The following GABPB1 variants were observed in gnomAD, a reference collection of about 807,000 sequenced individuals.
GABPB1 encodes GA-binding protein subunit beta-1.
A neutral mutation model predicts 45.9 loss-of-function variants in GABPB1; 15 were observed. The observed-to-expected ratio is 0.33, with a 90% CI of 0.22 to 0.50. The LOEUF (loss-of-function observed/expected upper bound fraction) is 0.50, where lower values mean the gene tolerates loss of function less well. GABPB1 is among the 20% of genes least tolerant of loss of function. The pLI is 0.98. For missense variants in GABPB1, 252 were observed against 457.5 expected, an observed-to-expected ratio of 0.55 and a Z score of 4.10; for synonymous variants, 143 against 154.4, an observed-to-expected ratio of 0.93 and a Z score of 0.55.
intron 2 of GABPB1, among the ~76,000 whole-genome samples, chr15:50,309,127 T>C (rs1363382629): frequency 6.6e-6 from 1 of 152,150 alleles, no homozygotes; most frequent in Non-Finnish European, 1.5e-5. Flanking sequence ...TTCAGATTCC[T>C]AGCATTCCAT....
intron 7 of GABPB1, among the ~76,000 whole-genome samples, chr15:50,288,752 G>T (rs1405391809): frequency 1.3e-5 from 2 of 152,018 alleles, no homozygotes; most frequent in Non-Finnish European, 2.9e-5. Flanking sequence ...TCCAAAAGGA[G>T]AAAAATGTTA....
intron 6 of GABPB1, among the ~76,000 whole-genome samples, chr15:50,291,236 T>A (rs897480049): frequency 6.6e-6 from 1 of 152,180 alleles, no homozygotes; most frequent in Non-Finnish European, 1.5e-5. Context: ...TGTACACTTA[T>A]AATCTATAAA....
At chr15:50,340,207 T>C (rs1290583828) in intron 1 of GABPB1, among the ~76,000 whole-genome samples, 1 of 152,190 alleles carries the variant, frequency 6.6e-6, no homozygotes, top group Non-Finnish European at 1.5e-5. Flanking sequence ...CCATGGAATC[T>C]GCCACCACCT....
chr15:50,336,113 G>A (rs988892644), intron 1 of GABPB1, among the ~76,000 whole-genome samples: 1 of 151,304 alleles, frequency 6.6e-6, no homozygotes, highest in Non-Finnish European at 1.5e-5. Flanking sequence ...CACTTTGGGA[G>A]GCCAAGGCAG....
intron 1 of GABPB1, among the ~76,000 whole-genome samples, chr15:50,335,393 A>G (rs542619320): frequency 2.0e-5 from 3 of 152,168 alleles, no homozygotes; most frequent in Non-Finnish European, 4.4e-5. Context: ...ACCTCACCCC[A>G]TAAGACTGAT....
At chr15:50,329,488 A>G (rs2047879281) in intron 1 of GABPB1, among the ~76,000 whole-genome samples, 1 of 152,202 alleles carries the variant, frequency 6.6e-6, no homozygotes, top group Non-Finnish European at 1.5e-5. Context: ...TACCAATATT[A>G]CAACTAGCAA....
intron 8 of GABPB1, among the ~76,000 whole-genome samples, chr15:50,282,560 G>GAAAAGAAAAAAAAAAAA (rs2046013811): frequency 2.2e-5 from 2 of 88,992 alleles, no homozygotes; most frequent in Non-Finnish European, 4.7e-5. Flanking sequence ...CCTTAAAAAA[G>GAAAAGAAAAAAAAAAAA]AAAAAAAAAA....
At chr15:50,345,581 C>T (rs551293389) in intron 1 of GABPB1, among the ~76,000 whole-genome samples, 29 of 152,270 alleles carry the variant, frequency 1.9e-4, no homozygotes, top group Non-Finnish European at 3.2e-4. Context: ...TAAAAACTCA[C>T]GGCAGCAATT....
intron 6 of GABPB1, among the ~76,000 whole-genome samples, chr15:50,299,111 C>T (rs1266575364): frequency 6.6e-6 from 1 of 152,056 alleles, no homozygotes; most frequent in Non-Finnish European, 1.5e-5. Context: ...ATCACAGTGC[C>T]TAGCAGAGAG....
chr15:50,295,468 A>G (rs766667585), intron 6 of GABPB1, among the ~76,000 whole-genome samples: 22 of 152,298 alleles, frequency 1.4e-4, no homozygotes, highest in Non-Finnish European at 1.8e-4. Flanking sequence ...TTCAGTTTAA[A>G]TGTTTCTTCC....
At chr15:50,316,807 A>G (rs1189549379) in intron 1 of GABPB1, among the ~76,000 whole-genome samples, 1 of 152,156 alleles carries the variant, frequency 6.6e-6, no homozygotes, top group Admixed American at 6.6e-5. Context: ...TTTCTTTTAC[A>G]TTATGAACAA....
In GABPB1 at chr15:50,302,083, C is replaced by T. The variant is rs117332659; in HGVS notation, c.472-715G>A. Among the ~76,000 whole-genome samples, 834 of 152,062 alleles carry T rather than the reference C, an allele frequency of 5.5e-3. 5 individuals carry two copies. Among genetic ancestry groups the T allele is most frequent in the Non-Finnish European group, 7.8e-3 (527 of 67,986 alleles). Reference sequence around the variant, plus strand: ...TTGGGAACAAACAGGCAAGAAGAGGCAGTAATTAAAGAAGATAATTTATAT... The same window carrying T: ...TTGGGAACAAACAGGCAAGAAGAGGTAGTAATTAAAGAAGATAATTTATAT... On this transcript the variant is annotated intron_variant, in intron 4 of 8. Coordinates refer to ENST00000380877, the MANE Select transcript of GABPB1 (RefSeq NM_016654.5).
chr15:50,292,983 GTC>G (rs993489375), intron 6 of GABPB1, among the ~76,000 whole-genome samples: 1 of 127,350 alleles, frequency 7.9e-6, no homozygotes, highest in African/African-American at 4.3e-5. Flanking sequence ...TTTGAAAACT[GTC>G]TACATATAAA....
At chr15:50,282,202 AAAAT>A (rs1246469100) in intron 8 of GABPB1, 23 of 434,580 alleles carry the variant, frequency 5.3e-5, no homozygotes, top group East Asian at 4.4e-4. Flanking sequence ...CCTGTCTCAA[AAAAT>A]AAATAAATAA....
intron 1 of GABPB1, among the ~76,000 whole-genome samples, chr15:50,316,805 A>G (rs1410175215): frequency 1.3e-5 from 2 of 152,300 alleles, no homozygotes; most frequent in South Asian, 2.1e-4. Context: ...TATTTCTTTT[A>G]CATTATGAAC....
At chr15:50,291,168 A>C (rs553515365) in intron 6 of GABPB1, among the ~76,000 whole-genome samples, 2 of 152,356 alleles carry the variant, frequency 1.3e-5, no homozygotes, top group South Asian at 4.1e-4. Flanking sequence ...GAACTGAGCA[A>C]TGTTTACACA....
intron 5 of GABPB1, 21 bp from the exon 6 acceptor site, chr15:50,300,923 G>T: frequency 7.1e-7 from 1 of 1,401,282 alleles, no homozygotes; most frequent in Non-Finnish European, 1.0e-6. Flanking sequence ...AAAGAAAATA[G>T]ATTTGAATTT....
intron 1 of GABPB1, among the ~76,000 whole-genome samples, chr15:50,319,971 T>A (rs1251453811): frequency 6.6e-6 from 1 of 152,236 alleles, no homozygotes; most frequent in Non-Finnish European, 1.5e-5. Context: ...ATGTTTAGTG[T>A]GCATCCTTCC....
intron 8 of GABPB1, among the ~76,000 whole-genome samples, chr15:50,280,240 C>T (rs1036679931): frequency 6.6e-6 from 1 of 152,196 alleles, no homozygotes; most frequent in Admixed American, 6.5e-5. Context: ...TTCTTCTCCC[C>T]TCCTCTTATC....
Sources: allele counts gnomAD v4.1 joint callset (sites outside exome capture counted in the v4.1 genomes callset), GRCh38; gene constraint gnomAD v4.1.1; transcripts MANE v1.5; gene names NCBI Gene and HGNC (gene_info 2026-07-23, HGNC 2026-07-21).